ATXN3: variants seen among roughly 807,000 people sequenced by gnomAD.
The protein encoded by ATXN3 is ataxin-3.
Under a neutral mutation model 58.2 loss-of-function variants are expected in ATXN3, and 28 were observed. The ratio of observed to expected loss-of-function variants is 0.48; its 90% CI spans 0.36 to 0.66. ATXN3 has a LOEUF of 0.66. Among genes scored for constraint, ATXN3 ranks in the 30% least tolerant of loss-of-function variants. The probability of loss-of-function intolerance (pLI) is 0.00; values close to 1 mark genes in which losing one functional copy is unlikely to be tolerated. For missense variants in ATXN3, 321 were observed against 422.1 expected, an observed-to-expected ratio of 0.76 and a Z score of 2.10; for synonymous variants, 113 against 138.5, an observed-to-expected ratio of 0.82 and a Z score of 1.29.
intron 5 of ATXN3, among the ~76,000 whole-genome samples, chr14:92,090,038 C>A (rs1308383206): frequency 7.2e-6 from 1 of 138,242 alleles, no homozygotes; most frequent in Non-Finnish European, 1.6e-5. Flanking sequence ...TTGAGACCAG[C>A]CTGGGCTGTA....
chr14:92,075,156 G>GTTTTTTTTTTTTTTTTTTTTTTTTTTTT (rs376552690), intron 9 of ATXN3, among the ~76,000 whole-genome samples: 4 of 111,356 alleles, frequency 3.6e-5, no homozygotes, highest in Non-Finnish European at 3.6e-5. Context: ...GTAATAGGGA[G>GTTTTTTTTTTTTTTTTTTTTTTTTTTTT]TTTTTTTTTT....
chr14:92,086,843 A>G (rs193135154), intron 6 of ATXN3, among the ~76,000 whole-genome samples: 9 of 152,140 alleles, frequency 5.9e-5, no homozygotes, highest in Middle Eastern at 3.4e-3. Flanking sequence ...AACTGATTAT[A>G]TAAGAGAGTG....
chr14:92,084,368 T>C (rs892181816), intron 6 of ATXN3, among the ~76,000 whole-genome samples: 1 of 152,084 alleles, frequency 6.6e-6, no homozygotes, highest in African/African-American at 2.4e-5. Flanking sequence ...TAACTAAAAA[T>C]AGGGGCTGGG....
intron 9 of ATXN3, 118 bp downstream of exon 9, chr14:92,080,847 A>C (rs758381507): frequency 1.1e-6 from 1 of 947,558 alleles, no homozygotes; most frequent in African/African-American, 1.6e-5. Flanking sequence ...ATTTGCTGTA[A>C]ATTTTTAAAA....
At chr14:92,097,912 T>C (rs1220222050) in intron 1 of ATXN3, among the ~76,000 whole-genome samples, 1 of 152,188 alleles carries the variant, frequency 6.6e-6, no homozygotes, top group Non-Finnish European at 1.5e-5. Context: ...TTTGGTAACA[T>C]TTATTTTACA....
At chr14:92,103,906 G>A (rs1281090982) in intron 1 of ATXN3, among the ~76,000 whole-genome samples, 1 of 152,174 alleles carries the variant, frequency 6.6e-6, no homozygotes, top group East Asian at 1.9e-4. Flanking sequence ...ATATTGCAGA[G>A]GGGAAGGCAG....
intron 7 of ATXN3, among the ~76,000 whole-genome samples, 183 bp from the exon 8 acceptor site, chr14:92,082,649 C>G (rs74619884): frequency 7.5e-6 from 1 of 132,914 alleles, no homozygotes; most frequent in African/African-American, 2.8e-5. Flanking sequence ...TTTTCCGTTT[C>G]TTTTTTTTTT....
At chr14:92,047,273 GATAGGCAAAACA>G (rs2057432021) in intron 2 of ATXN3, among the ~76,000 whole-genome samples, 1 of 152,260 alleles carries the variant, frequency 6.6e-6, no homozygotes, top group Non-Finnish European at 1.5e-5. Context: ...CCACAGGGTG[GATAGGCAAAACA>G]ATTTGGTTGA....
chr14:92,081,046 A>G lies in ATXN3; in HGVS notation c.791T>C (p.Ile264Thr). The G allele has an allele frequency of 6.2e-7, 1 of 1,609,342 alleles. No individual in the cohort carries two copies. The highest frequency in any genetic ancestry group is 2.2e-5 in the East Asian group (1 of 44,826). ...QLSMQGSSRN[I>T]SQDMTQTSGT... ...TGATGTCTGTGTCATATCTTGAGAT[A>G]TGTTTCTGGAACTACCTGAAAACAA... Residue 264 changes from isoleucine to threonine, a missense_variant, in exon 9 of 11, where the codon ATA becomes ACA. Ile to Thr is a moderately conservative substitution (Grantham distance 89). Transcript: ENST00000644486.
chr14:92,083,427 G>A (rs937500737), intron 6 of ATXN3, 169 bp from the exon 7 acceptor site: 11 of 760,922 alleles, frequency 1.4e-5, no homozygotes, highest in African/African-American at 1.8e-5. Flanking sequence ...TAGTAAAGTC[G>A]TCTAAGGTAA....
chr14:92,045,646 T>G (rs1308660447), intron 2 of ATXN3, among the ~76,000 whole-genome samples: 4 of 152,162 alleles, frequency 2.6e-5, no homozygotes, highest in Non-Finnish European at 5.9e-5. Flanking sequence ...GAGGATAGAT[T>G]TCCATGATGG....
In ATXN3 at chr14:92,062,833, T is replaced by C. The variant is rs943131970; in HGVS notation, c.*1487A>G. The C allele has an allele frequency of 1.0e-4, 16 of 152,604 alleles. No individual in the cohort carries two copies. Among genetic ancestry groups the C allele is most frequent in the African/African-American group, 3.4e-4 (14 of 41,452 alleles). 9.5% of individuals were successfully genotyped at this position (152,604 alleles called of 1,614,324 possible). On this transcript the variant is annotated 3_prime_UTR_variant, in exon 11 of 11. Coordinates refer to ENST00000644486, the MANE Select transcript of ATXN3 (RefSeq NM_004993.6). ...TCCTAGATCAAAAAACTTTCCCTGA[T>C]AAAATGTGTGCAGCCACACACCAGG...
Position 92,071,010 on chromosome 14 carries a change from C to CCTG in ATXN3, c.913_915dup (p.Gln305dup), listed in dbSNP as rs193922928. ...TGTGAACTCTGTCCTGATAGGTCCC[C>CCTG]CTGCTGCTGCTGCTGCTGCTGCTGT... On this transcript the variant is annotated inframe_insertion, in exon 10 of 11. Coordinates refer to ENST00000644486, the MANE Select transcript of ATXN3 (RefSeq NM_004993.6). 2,477 of 1,456,684 alleles carry CCTG rather than the reference C, an allele frequency of 1.7e-3. 54 individuals are homozygous for CCTG. Among genetic ancestry groups the CCTG allele is most frequent in the Non-Finnish European group, 2.1e-3 (2,257 of 1,062,110 alleles). 90.2% of individuals were successfully genotyped at this position (1,456,684 alleles called of 1,614,324 possible).
intron 6 of ATXN3, among the ~76,000 whole-genome samples, chr14:92,085,950 T>C (rs1353552775): frequency 6.6e-6 from 1 of 152,102 alleles, no homozygotes; most frequent in Non-Finnish European, 1.5e-5. Context: ...TAAGAAGGGA[T>C]ATCATCAGGA....
chr14:92,076,244 G>C lies in ATXN3; in HGVS notation c.872+4721C>G, dbSNP rs55948797. Among the ~76,000 whole-genome samples, 1,166 of 152,086 alleles carry C rather than the reference G, an allele frequency of 7.7e-3. 18 individuals carry two copies. The highest frequency in any genetic ancestry group is 0.026 in the African/African-American group (1,088 of 41,486). ...GCAGATTGCCTGAGATCAGGAGTTC[G>C]AGACCAGTCTGGCCAACATGGTGAA... is the stretch of plus-strand genomic sequence containing the variant. On this transcript the variant is annotated intron_variant, in intron 9 of 10. Coordinates refer to ENST00000644486, the MANE Select transcript of ATXN3 (RefSeq NM_004993.6).
At chr14:92,097,384 T>C (rs773081911) in intron 1 of ATXN3, among the ~76,000 whole-genome samples, 2 of 151,796 alleles carry the variant, frequency 1.3e-5, no homozygotes, top group Non-Finnish European at 2.9e-5. Context: ...TGCACCACCA[T>C]GCCTGGCTAA....
At chr14:92,078,900 A>G (rs59864685) in intron 9 of ATXN3, among the ~76,000 whole-genome samples, 35,245 of 151,904 alleles carry the variant, frequency 0.23, 4,261 homozygotes, top group East Asian at 0.42. Flanking sequence ...ATAAAACGAG[A>G]TTGGGCCGGG....
At chr14:92,075,171 T>G (rs993845714) in intron 9 of ATXN3, among the ~76,000 whole-genome samples, 38 of 147,272 alleles carry the variant, frequency 2.6e-4, no homozygotes, top group Admixed American at 6.1e-4. Flanking sequence ...TTTTTTTTTT[T>G]TTTTTTTTTT....
chr14:92,076,535 G>A (rs2060416777), intron 9 of ATXN3, among the ~76,000 whole-genome samples: 1 of 150,686 alleles, frequency 6.6e-6, no homozygotes, highest in Non-Finnish European at 1.5e-5. Context: ...AAGTAAAAGA[G>A]CAGTTTATTT....
Sources: gnomAD v4.1 joint callset for allele counts (sites outside exome capture counted in the v4.1 genomes callset) on GRCh38, gnomAD v4.1.1 for gene constraint, MANE v1.5 for transcripts, NCBI Gene and HGNC (gene_info 2026-07-23, HGNC 2026-07-21) for gene names.